PANK4: variants seen among roughly 807,000 people sequenced by gnomAD.
The protein encoded by PANK4 is 4'-phosphopantetheine phosphatase.
Under a neutral mutation model 87.9 loss-of-function variants are expected in PANK4, and 40 were observed. The ratio of observed to expected loss-of-function variants is 0.46; its 90% CI spans 0.35 to 0.59. The LOEUF is 0.59. PANK4 is among the 20% of genes least tolerant of loss of function. The pLI, the probability that PANK4 is intolerant of heterozygous loss-of-function variation, is 0.00. For synonymous variants in PANK4, 524 were observed against 467.4 expected (o/e 1.12, Z -1.56); for missense variants, 926 against 1,072.3 (o/e 0.86, Z 1.90).
chr1:2,523,881 GCT>G, intron 1 of PANK4, among the ~76,000 whole-genome samples: 1 of 152,356 alleles, frequency 6.6e-6, no homozygotes, highest in South Asian at 2.1e-4. Flanking sequence ...GGCTGCCCGC[GCT>G]CGGCCCTGAG....
At chr1:2,518,433 C>A in intron 8 of PANK4, 83 bp downstream of exon 8, 3 of 1,272,324 alleles carry the variant, frequency 2.4e-6, no homozygotes, top group Non-Finnish European at 2.2e-6. Flanking sequence ...CCACCTCCAC[C>A]CTGGGCCGCC....
At chr1:2,514,308 C>T (rs1468481412) in intron 11 of PANK4, 46 bp downstream of exon 11, 2 of 1,428,770 alleles carry the variant, frequency 1.4e-6, no homozygotes, top group Non-Finnish European at 2.0e-6. Context: ...TGCAGGGGCC[C>T]TCTGGATGGA....
chr1:2,521,376 C>T (rs7537682), intron 2 of PANK4, 61 bp from the exon 3 acceptor site: 16,721 of 1,288,390 alleles, frequency 0.013, 369 homozygotes, highest in African/African-American at 0.083. Context: ...CTGGGCTGTG[C>T]GCACCCTGCC....
intron 7 of PANK4, among the ~76,000 whole-genome samples, 178 bp from the exon 8 acceptor site, chr1:2,518,775 G>A (rs933044849): frequency 7.2e-5 from 11 of 152,266 alleles, no homozygotes; most frequent in African/African-American, 2.7e-4. Flanking sequence ...GCGGGCTGCT[G>A]TTTGAAGAAA....
rs1011859854 is a variant in PANK4 at position 2,515,492 on chromosome 1, C to A, written c.1374+70G>T. ...GTCCCCCTTCGCCACCTTGGCTTTG[C>A]CCCCGGAGCCTTGGAAGGTTAACCC... On this transcript the variant is annotated intron_variant, in intron 10 of 18. Coordinates refer to ENST00000378466, the MANE Select transcript of PANK4 (RefSeq NM_018216.4). The surrounding 1 kb of genome is among the most constrained non-coding windows in gnomAD (Gnocchi z 5.0). 1.3e-6 allele frequency: 2 copies of A among 1,533,878 alleles called. No homozygotes were observed. The highest frequency in any genetic ancestry group is 1.8e-6 in the Non-Finnish European group (2 of 1,110,158).
Position 2,518,254 on chromosome 1 carries a change from C to G in PANK4, c.1128G>C (p.Gln376His). 1 of 1,610,984 alleles carries G rather than the reference C, an allele frequency of 6.2e-7. No homozygotes were observed. Residue 376 changes from glutamine to histidine, a missense_variant, in exon 9 of 19, where the codon CAG becomes CAC. Physicochemically the swap from Gln to His is conservative, Grantham distance 24. Coordinates refer to ENST00000378466, the MANE Select transcript of PANK4 (RefSeq NM_018216.4). Reference protein sequence around the residue: ...LKGAEQDNPNQYSWGENYAGS... With the variant: ...LKGAEQDNPNHYSWGENYAGS... ...CTGCATAGTTCTCTCCCCAGCTGTA[C>G]TGGTTAGGATCTGGAAAGCAAGAAG...
intron 13 of PANK4, 126 bp downstream of exon 13, chr1:2,512,762 T>TGAGCCACC (rs1318825289): frequency 1.1e-6 from 1 of 941,738 alleles, no homozygotes; most frequent in Admixed American, 2.0e-5. Context: ...CCCAAAGCCC[T>TGAGCCACC]GAGCCACCAA....
Position 2,510,458 on chromosome 1 carries a change from C to G in PANK4, c.1938+220G>C. ...ACCCTTCCAGGAGCCTGGCGTCAAC[C>G]CTGGGCTTCAGCACATGGACCCTCA... On this transcript the variant is annotated intron_variant, in intron 16 of 18. Transcript: ENST00000378466. This position sits in a 1 kb window ranked among gnomAD's most constrained non-coding sequence, Gnocchi z 4.9. 1 of 598,770 alleles carries G rather than the reference C, an allele frequency of 1.7e-6. No individual in the cohort carries two copies. Among genetic ancestry groups the G allele is most frequent in the Non-Finnish European group, 3.0e-6 (1 of 336,308 alleles). 37.1% of individuals were successfully genotyped at this position (598,770 alleles called of 1,614,324 possible).
rs549884935 is a variant in PANK4, at chr1:2,509,196, C to A, written c.2109-136G>T. On this transcript the variant is annotated intron_variant, in intron 18 of 18. Transcript: ENST00000378466. The surrounding 1 kb of genome is among the most constrained non-coding windows in gnomAD (Gnocchi z 4.9). ...ATGTGGAGGCCTCCAAACCCAGCCTCCGCCTGGTAGCTGCCTCAGCCTGGG... is the reference window on the plus strand; with the variant it reads ...ATGTGGAGGCCTCCAAACCCAGCCTACGCCTGGTAGCTGCCTCAGCCTGGG... The A allele has an allele frequency of 2.4e-5, 16 of 672,160 alleles. No homozygotes were observed. The African/African-American group carries it at 2.9e-4, about 12-fold the overall frequency. 41.6% of individuals were successfully genotyped at this position (672,160 alleles called of 1,614,324 possible). A position where few individuals can be genotyped will look rare whatever the true frequency, so the allele number is the denominator to read the frequency against.
intron 15 of PANK4, among the ~76,000 whole-genome samples, 171 bp downstream of exon 15, chr1:2,511,167 G>A (rs1323486811): frequency 3.9e-5 from 6 of 152,232 alleles, no homozygotes; most frequent in Admixed American, 2.0e-4. Context: ...AGTCACGACA[G>A]GAGGGCAAGT....
At position 2,509,485 on chromosome 1, in the gene PANK4, A is replaced by G. The variant is rs904440349; in HGVS notation, c.2108+377T>C. Among the ~76,000 whole-genome samples, 3 of 152,112 alleles carry G rather than the reference A, an allele frequency of 2.0e-5. No individual in the cohort carries two copies. Among genetic ancestry groups the G allele is most frequent in the Non-Finnish European group, 4.4e-5 (3 of 68,024 alleles). On this transcript the variant is annotated intron_variant, in intron 18 of 18. Coordinates refer to ENST00000378466, the MANE Select transcript of PANK4 (RefSeq NM_018216.4). The surrounding 1 kb of genome is among the most constrained non-coding windows in gnomAD (Gnocchi z 4.9). The stretch of plus-strand genomic sequence containing the variant: ...CAGGAGGACAGACAGCACCACATAC[A>G]ATTGACTAATGACCTCCAGAACCAC...
At chr1:2,516,057 C>G (rs1264087867) in intron 9 of PANK4, 2 of 381,298 alleles carry the variant, frequency 5.2e-6, no homozygotes, top group Non-Finnish European at 9.7e-6. Context: ...AACTCCCTCC[C>G]CCATCACCAC....
chr1:2,511,402 G>A lies in PANK4; in HGVS notation c.1784-15C>T, dbSNP rs369595713. 10 of 1,599,550 alleles carry A rather than the reference G, an allele frequency of 6.3e-6. No homozygotes were observed. The African/African-American group carries it at 9.4e-5, about 15-fold the overall frequency. The stretch of plus-strand genomic sequence containing the variant: ...CCAGGGTCTTTCTGAGACAGAGAGA[G>A]GGACACATGATTAGCCCGGTGCTCC... On this transcript the variant is annotated splice_polypyrimidine_tract_variant and intron_variant, in intron 14 of 18. Coordinates refer to ENST00000378466, the MANE Select transcript of PANK4 (RefSeq NM_018216.4).
chr1:2,525,062 G>A (rs1343474944), intron 1 of PANK4, among the ~76,000 whole-genome samples: 2 of 152,168 alleles, frequency 1.3e-5, no homozygotes, highest in Non-Finnish European at 2.9e-5. Context: ...CTCACTGAAA[G>A]GTGGGAGCCA....
chr1:2,522,040 C>CA, intron 1 of PANK4: 1 of 554,170 alleles, frequency 1.8e-6, no homozygotes, highest in Non-Finnish European at 3.2e-6. Context: ...AAACTGAGCT[C>CA]AAGAGGTCCC....
Position 2,519,860 on chromosome 1 carries a change from A to G in PANK4, c.794T>C (p.Leu265Pro), listed in dbSNP as rs1643858045. The G allele has an allele frequency of 6.4e-7, 1 of 1,572,534 alleles. No homozygotes were observed. The highest frequency in any genetic ancestry group is 8.6e-7 in the Non-Finnish European group (1 of 1,159,558). Residue 265 changes from leucine (L) to proline (P), a missense_variant, in exon 6 of 19, where the codon CTC becomes CCC. Transcript: ENST00000378466. This position sits in a 1 kb window ranked among gnomAD's most constrained non-coding sequence, Gnocchi z 8.3. ...GGCGATGAGGTTCCCGCTCAGCCCG[A>G]GAGTCTGGTGGGCGCCGCCGTAGAC... ...RDVYGGAHQTLGLSGNLIASS... is the reference protein window; with the variant it reads ...RDVYGGAHQTPGLSGNLIASS...
At chr1:2,521,477 G>A (rs539760442) in intron 2 of PANK4, 162 bp from the exon 3 acceptor site, 42 of 715,898 alleles carry the variant, frequency 5.9e-5, no homozygotes, top group Non-Finnish European at 9.2e-5. Flanking sequence ...GGACCGTGGC[G>A]ACCTCAGGGC....
In PANK4 at chr1:2,512,883, C is replaced by G; in HGVS notation, c.1727+5G>C. 1 of 1,612,700 alleles carries G rather than the reference C, an allele frequency of 6.2e-7. No homozygotes were observed. The highest frequency in any genetic ancestry group is 8.5e-7 in the Non-Finnish European group (1 of 1,179,808). On this transcript the variant is annotated splice_donor_5th_base_variant and intron_variant, in intron 13 of 18. Transcript: ENST00000378466. ...AGAGCCTGCTCCGAGCCCGCAGACA[C>G]CTACGCAGACACGGCTTTGGCCCCC...
chr1:2,509,090 G>A lies in PANK4; in HGVS notation c.2109-30C>T. The A allele has an allele frequency of 6.4e-7, 1 of 1,550,920 alleles. No individual in the cohort carries two copies. Among genetic ancestry groups the A allele is most frequent in the Non-Finnish European group, 8.7e-7 (1 of 1,148,598 alleles). On this transcript the variant is annotated intron_variant, in intron 18 of 18. Coordinates refer to ENST00000378466, the MANE Select transcript of PANK4 (RefSeq NM_018216.4). The surrounding 1 kb of genome is among the most constrained non-coding windows in gnomAD (Gnocchi z 4.9). ...GGGGAGGAAGAGGACGGTGAGACTG[G>A]GCAAGCAGACCCCAGACCCCACTTC...
Sources: gnomAD v4.1 joint callset for allele counts (sites outside exome capture counted in the v4.1 genomes callset) on GRCh38, gnomAD v4.1.1 for gene constraint, Gnocchi (gnomAD v3.1) non-coding constraint, MANE v1.5 for transcripts, NCBI Gene and HGNC (gene_info 2026-07-23, HGNC 2026-07-21) for gene names.